SETDB1: variants seen among roughly 807,000 people sequenced by gnomAD.
SETDB1 encodes the protein SET domain bifurcated histone lysine methyltransferase 1, also known as histone-lysine N-methyltransferase SETDB1.
Under a neutral mutation model 137.4 loss-of-function variants are expected in SETDB1, and 31 were observed. The observed-to-expected ratio is 0.23, with a 90% CI of 0.17 to 0.30. SETDB1 has a LOEUF of 0.30. Among genes scored for constraint, SETDB1 ranks in the 10% least tolerant of loss-of-function variants. The pLI, the probability that SETDB1 is intolerant of heterozygous loss-of-function variation, is 1.00. For missense variants in SETDB1, 1,113 were observed against 1,631.5 expected (o/e 0.68, Z 5.47); for synonymous variants, 548 against 579.9 (o/e 0.95, Z 0.79).
intron 15 of SETDB1, 64 bp downstream of exon 15, chr1:150,959,411 A>C: frequency 7.5e-7 from 1 of 1,339,574 alleles, no homozygotes; most frequent in South Asian, 1.3e-5. Context: ...TGAACCAGAG[A>C]CAAATTGAAC....
chr1:150,934,459 C>T (rs1189146418), intron 3 of SETDB1, among the ~76,000 whole-genome samples: 1 of 151,954 alleles, frequency 6.6e-6, no homozygotes, highest in African/African-American at 2.4e-5. Context: ...GGCGACAGAG[C>T]GAGACTCCAT....
intron 3 of SETDB1, among the ~76,000 whole-genome samples, chr1:150,939,330 A>G (rs902174062): frequency 1.6e-4 from 12 of 77,078 alleles, no homozygotes; most frequent in Admixed American, 3.1e-4. Context: ...TTTATTTTTT[A>G]TTATTATTGT....
In SETDB1 at chr1:150,950,454, G is replaced by A. The variant is rs371653672; in HGVS notation, c.1584-4G>A. 1 of 1,569,434 alleles carries A rather than the reference G, an allele frequency of 6.4e-7. No individual in the cohort carries two copies. The highest frequency in any genetic ancestry group is 1.4e-5 in the African/African-American group (1 of 73,186). On this transcript the variant is annotated splice_region_variant and splice_polypyrimidine_tract_variant and intron_variant, in intron 12 of 21. Transcript: ENST00000692827. Reference sequence around the variant, plus strand: ...CGATCTGATCACTTGCATCTCATTTGCAGATCACCTTTAGGCTCCACAGCC... The same window carrying A: ...CGATCTGATCACTTGCATCTCATTTACAGATCACCTTTAGGCTCCACAGCC...
At chr1:150,930,259 A>G (rs1558009984) in intron 3 of SETDB1, 141 bp downstream of exon 3, 1 of 665,202 alleles carries the variant, frequency 1.5e-6, no homozygotes, top group Non-Finnish European at 2.5e-6. Flanking sequence ...GCTATTAAAG[A>G]AAAAAATGCA....
Position 150,963,564 on chromosome 1 carries a change from C to G in SETDB1, c.3495C>G (p.Thr1165=), listed in dbSNP as rs376449811. 164 of 1,613,844 alleles carry G rather than the reference C, an allele frequency of 1.0e-4. No individual in the cohort carries two copies. Among genetic ancestry groups the G allele is most frequent in the Non-Finnish European group, 1.3e-4 (156 of 1,179,900 alleles). Residue 1165 remains threonine (T), a synonymous_variant, in exon 20 of 22, where the codon ACC becomes ACG. Transcript: ENST00000692827. ...AGCGTCAAGTGGCAGTAAAATCAAC[C>G]CGAGGCTTTGCTCTTAAATCAACCC... ...PMKRQVAVKS[T]RGFALKSTHG... is the part of the protein sequence containing the mutation.
rs1477047714 is a variant in SETDB1, at chr1:150,950,579, A to G, written c.1705A>G (p.Met569Val). The change falls in exon 13 of 22, where the codon ATG becomes GTG. Residue 569 changes from methionine (M) to valine (V), a missense_variant. Physicochemically the swap from Met to Val is conservative, Grantham distance 21. Transcript: ENST00000692827. The part of the protein sequence containing the change: ...APAEPSYRAP[M>V]EKLFYLPHVC... Reference sequence around the variant, plus strand: ...AGCAGAGCCCTCCTACCGTGCTCCCATGGAGAAGCTTTTCTACTTACCTCA... The same window carrying G: ...AGCAGAGCCCTCCTACCGTGCTCCCGTGGAGAAGCTTTTCTACTTACCTCA... 1.9e-6 allele frequency: 3 copies of G among 1,614,122 alleles called. No individual in the cohort carries two copies. Among genetic ancestry groups the G allele is most frequent in the South Asian group, 2.2e-5 (2 of 91,078 alleles).
At chr1:150,963,354 A>G in intron 19 of SETDB1, 176 bp from the exon 20 acceptor site, 1 of 741,008 alleles carries the variant, frequency 1.3e-6, no homozygotes, top group Non-Finnish European at 2.3e-6. Context: ...TCCTTTGTCT[A>G]GCAGATCTAA....
chr1:150,926,942 A>G (rs9988459), intron 1 of SETDB1: 13,956 of 446,632 alleles, frequency 0.031, 1,665 homozygotes, highest in African/African-American at 0.26. Flanking sequence ...AAAGTAATAT[A>G]AGGGGAACAA....
chr1:150,958,754 T>C (rs1670732232), intron 14 of SETDB1, among the ~76,000 whole-genome samples: 1 of 152,114 alleles, frequency 6.6e-6, no homozygotes, highest in African/African-American at 2.4e-5. Context: ...ATTTTTGCTG[T>C]TGTTAGTAAG....
Position 150,950,507 on chromosome 1 carries a change from G to T in SETDB1, c.1633G>T (p.Ala545Ser). 1 of 1,613,118 alleles carries T rather than the reference G, an allele frequency of 6.2e-7. No homozygotes were observed. The highest frequency in any genetic ancestry group is 1.3e-5 in the African/African-American group (1 of 75,004). ...ASAPAPSALPAPPAPPVFHGM... is the reference protein window; with the variant it reads ...ASAPAPSALPSPPAPPVFHGM... ...TGCCCCAGCACCCTCAGCACTCCCG[G>T]CCCCTCCAGCACCCCCAGTCTTCCA... The change falls in exon 13 of 22, where the codon GCC (alanine) becomes TCC (serine). Residue 545 changes from alanine (A) to serine (S), a missense_variant. Ala to Ser is a moderately conservative substitution (Grantham distance 99). Transcript: ENST00000692827.
At chr1:150,961,300 T>A in intron 16 of SETDB1, 109 bp downstream of exon 16, 2 of 1,171,536 alleles carry the variant, frequency 1.7e-6, no homozygotes, top group Non-Finnish European at 2.5e-6. Context: ...GATGGATATT[T>A]CTGTGGCCAC....
chr1:150,961,932 C>A, intron 16 of SETDB1, 198 bp from the exon 17 acceptor site: 1 of 672,464 alleles, frequency 1.5e-6, no homozygotes, highest in Non-Finnish European at 2.7e-6. Context: ...TAAGCCCCAT[C>A]ACTGAGAAGG....
intron 3 of SETDB1, among the ~76,000 whole-genome samples, chr1:150,937,198 GA>G (rs889534720): frequency 1.8e-4 from 11 of 61,366 alleles, no homozygotes; most frequent in Non-Finnish European, 2.2e-4. Context: ...AAAAAAAAAA[GA>G]AAAAAAAAAG....
chr1:150,960,834 C>T lies in SETDB1; in HGVS notation c.2775C>T (p.Ser925=). The change falls in exon 16 of 22, where the codon AGC becomes AGT. Residue 925 remains serine (S), a synonymous_variant. Coordinates refer to ENST00000692827, the MANE Select transcript of SETDB1 (RefSeq NM_001366418.1). Reference sequence around the variant, plus strand: ...TCAGCACCAGTTCAGTGTGGCGGAGCTATGCTACCCGGAGGCAGACCCGGG... The same window carrying T: ...TCAGCACCAGTTCAGTGTGGCGGAGTTATGCTACCCGGAGGCAGACCCGGG... ...EDFSTSSVWR[S]YATRRQTRGQ... The T allele has an allele frequency of 1.2e-6, 2 of 1,603,778 alleles. No individual in the cohort carries two copies. The highest frequency in any genetic ancestry group is 2.2e-5 in the South Asian group (2 of 89,086).
chr1:150,942,564 A>T lies in SETDB1; in HGVS notation c.549A>T (p.Gly183=). The part of the protein sequence containing the change: ...KKSSSQDLHK[G]TLSQMSGELS... ...AGAATAACTTTGCTTCTTCTATAGG[A>T]ACCTTGAGTCAGATGTCTGGAGAAC... The change falls in exon 6 of 22, where the codon GGA becomes GGT. Residue 183 remains glycine (G), a splice_region_variant and synonymous_variant. Transcript: ENST00000692827. 1 of 1,609,862 alleles carries T rather than the reference A, an allele frequency of 6.2e-7. No individual in the cohort carries two copies. The highest frequency in any genetic ancestry group is 8.5e-7 in the Non-Finnish European group (1 of 1,178,610).
chr1:150,939,098 T>C (rs1450148704), intron 3 of SETDB1, among the ~76,000 whole-genome samples: 1 of 151,388 alleles, frequency 6.6e-6, no homozygotes, highest in Non-Finnish European at 1.5e-5. Context: ...AGGTGCCTGC[T>C]ACCACGCTTG....
Position 150,942,513 on chromosome 1 carries a change from C to T in SETDB1, c.548-50C>T, listed in dbSNP as rs375381099. 3.2e-6 allele frequency: 5 copies of T among 1,548,348 alleles called. No individual in the cohort carries two copies. The African/African-American group carries it at 6.9e-5, about 21-fold the overall frequency. On this transcript the variant is annotated intron_variant, in intron 5 of 21. Coordinates refer to ENST00000692827, the MANE Select transcript of SETDB1 (RefSeq NM_001366418.1). The stretch of plus-strand genomic sequence containing the variant: ...ACTACCCTCTTTACCTTCCCGTTCT[C>T]TACCGAATCTATGTCATAACTCTTG...
At chr1:150,960,512 AC>A in intron 15 of SETDB1, 50 bp from the exon 16 acceptor site, 47 of 1,483,204 alleles carry the variant, frequency 3.2e-5, no homozygotes, top group Non-Finnish European at 3.8e-5. Context: ...AAAAAAAAAA[AC>A]TAATAGGTCC....
chr1:150,930,831 C>T (rs1669712104), intron 3 of SETDB1, among the ~76,000 whole-genome samples: 1 of 152,142 alleles, frequency 6.6e-6, no homozygotes, highest in African/African-American at 2.4e-5. Flanking sequence ...CTGCTGCACC[C>T]AGCCAATTCC....
Sources: gnomAD v4.1 joint callset for allele counts (sites outside exome capture counted in the v4.1 genomes callset) on GRCh38, gnomAD v4.1.1 for gene constraint, MANE v1.5 for transcripts, NCBI Gene and HGNC (gene_info 2026-07-23, HGNC 2026-07-21) for gene names.